ENOX2: variants seen among roughly 807,000 people sequenced by gnomAD.
ENOX2 encodes the protein ecto-NOX disulfide-thiol exchanger 2, also known as APK1 antigen.
A neutral mutation model predicts 45.0 loss-of-function variants in ENOX2; 36 were observed. The ratio of observed to expected loss-of-function variants is 0.80; its 90% confidence interval spans 0.61 to 1.06. The LOEUF (loss-of-function observed/expected upper bound fraction) is 1.06. Among genes scored for constraint, ENOX2 ranks in the 50% least tolerant of loss-of-function variants. The probability of loss-of-function intolerance (pLI) is 0.00; values close to 1 mark genes in which losing one functional copy is unlikely to be tolerated. For synonymous variants in ENOX2, 174 were observed against 152.3 expected (o/e 1.14, Z -1.05); for missense variants, 423 against 462.5 (o/e 0.91, Z 0.78).
intron 2 of ENOX2, among the ~76,000 whole-genome samples, chrX:130,827,620 A>G (rs1487187684): frequency 8.9e-6 from 1 of 111,894 alleles, no homozygotes; most frequent in African/African-American, 3.2e-5. Context: ...GGCATATAGT[A>G]GAACTTAATA....
chrX:130,637,151 T>G, intron 11 of ENOX2, 78 bp downstream of exon 11: 1 of 792,419 alleles, frequency 1.3e-6, no homozygotes, highest in Non-Finnish European at 1.9e-6. Flanking sequence ...ATATTCAATT[T>G]GATTGCAGGG....
Position 130,858,424 on chromosome X carries a change from G to A in ENOX2, c.-183+43260C>T, listed in dbSNP as rs912090441. Among the ~76,000 whole-genome samples, 3 of 110,910 alleles carry A rather than the reference G, an allele frequency of 2.7e-5. No individual in the cohort carries two copies. In the Admixed American group the frequency reaches 2.9e-4, roughly 11 times the overall value. On this transcript the variant is annotated intron_variant, in intron 2 of 14. Transcript: ENST00000394363. ...TGAGCCACAGCGCCCGGCCAATCAT[G>A]GGCATTTTTACATTTCTACCTATGA...
intron 5 of ENOX2, among the ~76,000 whole-genome samples, chrX:130,684,526 T>C (rs957889274): frequency 8.9e-6 from 1 of 111,853 alleles, no homozygotes; most frequent in Non-Finnish European, 1.9e-5. Flanking sequence ...GTCATTAGCA[T>C]GTAGTAGTAA....
At chrX:130,895,343 G>A (rs2079045437) in intron 2 of ENOX2, among the ~76,000 whole-genome samples, 1 of 111,540 alleles carries the variant, frequency 9.0e-6, no homozygotes, top group African/African-American at 3.3e-5. Context: ...CTGATAGGAG[G>A]ACACCTTATG....
At chrX:130,791,925 G>A (rs770670740) in intron 2 of ENOX2, among the ~76,000 whole-genome samples, 24 of 112,148 alleles carry the variant, frequency 2.1e-4, no homozygotes, top group Non-Finnish European at 3.8e-4. Context: ...TCTGTTAATC[G>A]TTCTATGTAC....
At chrX:130,685,395 G>C (rs1468012455) in intron 5 of ENOX2, among the ~76,000 whole-genome samples, 1 of 111,922 alleles carries the variant, frequency 8.9e-6, no homozygotes, top group Non-Finnish European at 1.9e-5. Context: ...ATCAGACTTA[G>C]GTTTTAAAAG....
chrX:130,740,813 C>T (rs1302601943), intron 3 of ENOX2, among the ~76,000 whole-genome samples: 2 of 112,001 alleles, frequency 1.8e-5, no homozygotes, highest in Non-Finnish European at 3.8e-5. Context: ...TGAAGGAAGA[C>T]ATAACAATGG....
At chrX:130,640,399 T>C (rs150759589) in intron 10 of ENOX2, among the ~76,000 whole-genome samples, 2,470 of 112,371 alleles carry the variant, frequency 0.022, 62 homozygotes, top group African/African-American at 0.074. Flanking sequence ...ATCCCATTAC[T>C]GGGTATATAC....
chrX:130,631,868 C>G (rs1186209585), intron 12 of ENOX2, among the ~76,000 whole-genome samples: 2 of 106,972 alleles, frequency 1.9e-5, no homozygotes, highest in African/African-American at 6.9e-5. Context: ...CAACTAGACC[C>G]AACATTTATG....
intron 3 of ENOX2, among the ~76,000 whole-genome samples, chrX:130,713,308 C>T (rs1376661499): frequency 8.9e-6 from 1 of 111,944 alleles, no homozygotes; most frequent in African/African-American, 3.3e-5. Flanking sequence ...CGGCCAAGGG[C>T]TTCTTTTGTA....
At chrX:130,814,849 G>A (rs1186289229) in intron 2 of ENOX2, among the ~76,000 whole-genome samples, 1 of 111,582 alleles carries the variant, frequency 9.0e-6, no homozygotes, top group African/African-American at 3.3e-5. Context: ...TCCTTCAAAG[G>A]ATCACAACTC....
chrX:130,785,092 G>A (rs1447554574), intron 2 of ENOX2, among the ~76,000 whole-genome samples: 2 of 109,421 alleles, frequency 1.8e-5, no homozygotes. Flanking sequence ...TTGGGAGGCC[G>A]AGGCAGGCAG....
At chrX:130,840,003 A>G (rs1045711704) in intron 2 of ENOX2, among the ~76,000 whole-genome samples, 2 of 111,249 alleles carry the variant, frequency 1.8e-5, no homozygotes, top group Admixed American at 9.6e-5. Context: ...CTTTTTTACA[A>G]TCCTCTCAGA....
chrX:130,880,298 T>C (rs1487651320), intron 2 of ENOX2, among the ~76,000 whole-genome samples: 1 of 111,684 alleles, frequency 9.0e-6, no homozygotes, highest in Non-Finnish European at 1.9e-5. Flanking sequence ...ACTTACCATA[T>C]AGTTTCCATA....
intron 3 of ENOX2, among the ~76,000 whole-genome samples, chrX:130,740,390 G>A (rs923202370): frequency 9.5e-6 from 1 of 105,258 alleles, no homozygotes. Context: ...GCACCTGAGT[G>A]AGACTCTGTC....
intron 2 of ENOX2, among the ~76,000 whole-genome samples, chrX:130,888,115 C>T (rs1424229293): frequency 8.9e-6 from 1 of 111,817 alleles, no homozygotes; most frequent in Non-Finnish European, 1.9e-5. Flanking sequence ...GTGGATCACA[C>T]AACTTTTGTC....
intron 2 of ENOX2, among the ~76,000 whole-genome samples, chrX:130,851,087 C>T (rs1048845886): frequency 1.8e-5 from 2 of 112,171 alleles, no homozygotes; most frequent in Non-Finnish European, 3.8e-5. Context: ...GGCCAGGTGG[C>T]TCTGTAATTT....
At chrX:130,638,259 G>A (rs1305764431) in intron 10 of ENOX2, among the ~76,000 whole-genome samples, 1 of 109,192 alleles carries the variant, frequency 9.2e-6, no homozygotes, top group East Asian at 2.9e-4. Flanking sequence ...GTAGAGGCGG[G>A]GTTTTGCCAT....
chrX:130,829,154 T>C (rs189216835), intron 2 of ENOX2, among the ~76,000 whole-genome samples: 2 of 111,078 alleles, frequency 1.8e-5, no homozygotes, highest in African/African-American at 6.5e-5. Context: ...TCCATGAGAA[T>C]AAGAAGCAAT....
Sources: allele counts gnomAD v4.1 joint callset (sites outside exome capture counted in the v4.1 genomes callset), GRCh38; gene constraint gnomAD v4.1.1; transcripts MANE v1.5; gene names NCBI Gene and HGNC (gene_info 2026-07-23, HGNC 2026-07-21).